The following ACCSL variants were observed in gnomAD, a reference collection of about 807,000 sequenced individuals.
The protein encoded by ACCSL is 1-aminocyclopropane-1-carboxylate synthase homolog (inactive) like, also known as probable inactive 1-aminocyclopropane-1-carboxylate synthase-like protein 2.
A neutral mutation model predicts 61.7 loss-of-function variants in ACCSL; 55 were observed. The ratio of observed to expected loss-of-function variants is 0.89; its 90% CI spans 0.72 to 1.12. The LOEUF is 1.12. Among genes scored for constraint, ACCSL ranks in the 50% most tolerant of loss-of-function variants. The probability of loss-of-function intolerance (pLI) is 0.00; values close to 1 mark genes in which losing one functional copy is unlikely to be tolerated. For synonymous variants in ACCSL, 258 were observed against 264.3 expected (o/e 0.98, Z 0.23); for missense variants, 632 against 698.0 (o/e 0.91, Z 1.07).
chr11:43,964,914 C>G, the ACCSL span, among the ~76,000 whole-genome samples: 8 of 152,108 alleles, frequency 5.3e-5, no homozygotes, highest in African/African-American at 1.9e-4. Context: ...GAAAAACACT[C>G]AGGAAACTAG....
At chr11:44,055,117 T>TTGTAAAAAGACATAAAAG in intron 8 of ACCSL, 85 bp from the exon 9 acceptor site, 1 of 960,674 alleles carries the variant, frequency 1.0e-6, no homozygotes, top group South Asian at 1.6e-5. Flanking sequence ...GACTTAAGAT[T>TTGTAAAAAGACATAAAAG]ACAAAGATGC....
chr11:43,968,289 C>G, the ACCSL span, among the ~76,000 whole-genome samples: 1 of 152,056 alleles, frequency 6.6e-6, no homozygotes, highest in Non-Finnish European at 1.5e-5. Context: ...TCAGCCACTC[C>G]CAAGCTGACT....
chr11:44,059,280 T>A (rs1952692135), intron 13 of ACCSL, among the ~76,000 whole-genome samples: 1 of 152,130 alleles, frequency 6.6e-6, no homozygotes, highest in South Asian at 2.1e-4. Flanking sequence ...AAAAAAGTAG[T>A]ACTCTGCCCT....
Position 44,050,215 on chromosome 11 carries a change from T to C in ACCSL, c.564+94T>C, listed in dbSNP as rs1952627963. On this transcript the variant is annotated intron_variant, in intron 2 of 13. Transcript: ENST00000378832. Reference sequence around the variant, plus strand: ...CTATGGTAGATACAGGGGTGAGACATAGGAGCCTGGGAAGAGGAGTGAAGA... The same window carrying C: ...CTATGGTAGATACAGGGGTGAGACACAGGAGCCTGGGAAGAGGAGTGAAGA... The C allele has an allele frequency of 6.6e-6, 7 of 1,065,492 alleles. No homozygotes were observed. In the East Asian group the frequency reaches 9.4e-5, roughly 14 times the overall value. 66.0% of individuals were successfully genotyped at this position (1,065,492 alleles called of 1,614,324 possible). A position where few individuals can be genotyped will look rare whatever the true frequency, so the allele number is the denominator to read the frequency against.
the ACCSL span, among the ~76,000 whole-genome samples, chr11:43,935,386 T>C: frequency 0.55 from 82,937 of 152,090 alleles, 22,864 homozygotes; most frequent in East Asian, 0.61. Flanking sequence ...AGAGAGACCA[T>C]AGGATGGGGT....
At chr11:43,946,127 C>T in the ACCSL span, among the ~76,000 whole-genome samples, 2 of 152,148 alleles carry the variant, frequency 1.3e-5, no homozygotes, top group South Asian at 4.1e-4. Context: ...CACTCTGTCA[C>T]CCAGGCTGGA....
the ACCSL span, among the ~76,000 whole-genome samples, chr11:43,990,986 A>T: frequency 2.0e-5 from 3 of 151,756 alleles, no homozygotes; most frequent in African/African-American, 7.3e-5. Context: ...CAGGAGAATC[A>T]CTTGAACCCG....
In ACCSL at chr11:44,055,300, G is replaced by T. The variant is rs771278052; in HGVS notation, c.1139+9G>T. The T allele has an allele frequency of 6.2e-7, 1 of 1,607,996 alleles. No individual in the cohort carries two copies. The highest frequency in any genetic ancestry group is 2.2e-5 in the East Asian group (1 of 44,760). ...ATTCTGAGCATGAAAAGGTGAGCTG[G>T]TCTCAGCTGGAGTTGGGAACGAGAA... On this transcript the variant is annotated intron_variant, in intron 9 of 13. Coordinates refer to ENST00000378832, the MANE Select transcript of ACCSL (RefSeq NM_001031854.2).
At chr11:43,943,177 C>T in the ACCSL span, 3 of 1,509,396 alleles carry the variant, frequency 2.0e-6, no homozygotes, top group South Asian at 1.3e-5. The surrounding 1 kb of genome is among the most constrained non-coding windows in gnomAD (Gnocchi z 4.8). Context: ...AGTGCCTGCG[C>T]CGCAGCACGC....
At chr11:43,970,781 C>T in the ACCSL span, among the ~76,000 whole-genome samples, 2 of 152,048 alleles carry the variant, frequency 1.3e-5, no homozygotes, top group Non-Finnish European at 2.9e-5. Context: ...ATAATTATTA[C>T]TATCATGAGT....
At chr11:43,997,394 C>T in the ACCSL span, among the ~76,000 whole-genome samples, 1 of 152,112 alleles carries the variant, frequency 6.6e-6, no homozygotes, top group Non-Finnish European at 1.5e-5. Flanking sequence ...GGCTTCTGCA[C>T]GTATATCAGG....
the ACCSL span, among the ~76,000 whole-genome samples, chr11:43,985,947 C>A: frequency 0.87 from 132,030 of 151,984 alleles, 57,413 homozygotes; most frequent in African/African-American, 0.88. Flanking sequence ...TGGGCGACAG[C>A]GTGAGACTCT....
chr11:43,979,846 C>CAAAAAAAAAA, the ACCSL span, among the ~76,000 whole-genome samples: 2 of 50,844 alleles, frequency 3.9e-5, no homozygotes, highest in Admixed American at 2.0e-4. Context: ...GACTCTGTCT[C>CAAAAAAAAAA]AAAAAAAAAA....
the ACCSL span, among the ~76,000 whole-genome samples, chr11:44,041,711 G>A: frequency 3.3e-5 from 5 of 152,136 alleles, no homozygotes; most frequent in African/African-American, 1.2e-4. Flanking sequence ...TTCTTACCTT[G>A]GCTAATATTC....
At chr11:44,003,450 C>G in the ACCSL span, among the ~76,000 whole-genome samples, 1 of 152,054 alleles carries the variant, frequency 6.6e-6, no homozygotes, top group Non-Finnish European at 1.5e-5. Flanking sequence ...GCCAGGAGTT[C>G]AAGACCAGCC....
At chr11:44,016,455 G>A in the ACCSL span, among the ~76,000 whole-genome samples, 1 of 152,166 alleles carries the variant, frequency 6.6e-6, no homozygotes, top group Non-Finnish European at 1.5e-5. Flanking sequence ...GACTACAACA[G>A]GATTGGAAAG....
At chr11:43,940,523 CT>C in the ACCSL span, among the ~76,000 whole-genome samples, 36 of 147,598 alleles carry the variant, frequency 2.4e-4, no homozygotes, top group Non-Finnish European at 3.1e-4. Context: ...GCCTAGCTAA[CT>C]TTTTTTTTTT....
chr11:43,963,440 T>A, the ACCSL span, among the ~76,000 whole-genome samples: 2 of 152,156 alleles, frequency 1.3e-5, no homozygotes, highest in Admixed American at 1.3e-4. Context: ...CAGCTCACAA[T>A]CTCTTCTCCC....
At chr11:44,035,431 A>G in the ACCSL span, among the ~76,000 whole-genome samples, 1 of 152,198 alleles carries the variant, frequency 6.6e-6, no homozygotes, top group Admixed American at 6.5e-5. Flanking sequence ...ATTCCCTGGA[A>G]AGCAGAGAGC....
Sources: gnomAD v4.1 joint callset for allele counts (sites outside exome capture counted in the v4.1 genomes callset) on GRCh38, gnomAD v4.1.1 for gene constraint, Gnocchi (gnomAD v3.1) non-coding constraint, MANE v1.5 for transcripts, NCBI Gene and HGNC (gene_info 2026-07-23, HGNC 2026-07-21) for gene names.